Variants in KLC2 observed in about 807,000 individuals in gnomAD.
KLC2 encodes the protein KLC 2.
In KLC2, 35 loss-of-function variants were observed where a neutral mutation model predicts 75.1. The observed-to-expected ratio is 0.47, with a 90% CI of 0.36 to 0.62. The LOEUF is 0.62. Among genes scored for constraint, KLC2 ranks in the 20% least tolerant of loss-of-function variants. The pLI is 0.00. For synonymous variants in KLC2, 314 were observed against 336.7 expected, an observed-to-expected ratio of 0.93 and a Z score of 0.74; for missense variants, 611 against 833.2, an observed-to-expected ratio of 0.73 and a Z score of 3.28.
chr11:66,258,664 G>C lies in KLC2; in HGVS notation c.70G>C (p.Val24Leu). 6.2e-7 allele frequency: 1 copy of C among 1,614,066 alleles called. No individual in the cohort carries two copies. ...TGAGATCGTGCTGGGCACCAAGGCT[G>C]TCATCCAGGGACTGGAGACTCTGCG... ...QDEIVLGTKA[V>L]IQGLETLRGE... The change falls in exon 2 of 16, where the codon GTC (valine) becomes CTC (leucine). Residue 24 changes from valine to leucine, a missense_variant. By Grantham distance (32) the Val-to-Leu change is conservative. Coordinates refer to ENST00000394067, the MANE Select transcript of KLC2 (RefSeq NM_001318734.2).
chr11:66,250,521 C>T, the KLC2 span, among the ~76,000 whole-genome samples: 2 of 152,112 alleles, frequency 1.3e-5, no homozygotes, highest in Non-Finnish European at 2.9e-5. Context: ...AGTTCGTGTC[C>T]TAGGTACAGC....
upstream of KLC2, among the ~76,000 whole-genome samples, chr11:66,256,426 T>C (rs1856040257): frequency 6.6e-6 from 1 of 152,062 alleles, no homozygotes; most frequent in Non-Finnish European, 1.5e-5. Flanking sequence ...CCGTATCTAC[T>C]AAAAATACAA....
At chr11:66,264,972 C>A (rs1856711160) in intron 9 of KLC2, 51 bp from the exon 10 acceptor site, 1 of 1,588,172 alleles carries the variant, frequency 6.3e-7, no homozygotes, top group African/African-American at 1.3e-5. Flanking sequence ...TCCAGCCCAA[C>A]CAGGTGAGAC....
intron 11 of KLC2, 166 bp downstream of exon 11, chr11:66,265,401 TCTGG>T: frequency 1.4e-6 from 1 of 713,816 alleles, no homozygotes; most frequent in South Asian, 1.9e-5. Flanking sequence ...AGCCTAATTC[TCTGG>T]CTCTGGGTCT....
Position 66,266,505 on chromosome 11 carries a change from G to C in KLC2, c.1785+15G>C. 1 of 1,613,702 alleles carries C rather than the reference G, an allele frequency of 6.2e-7. No individual in the cohort carries two copies. The highest frequency in any genetic ancestry group is 8.5e-7 in the Non-Finnish European group (1 of 1,179,680). On this transcript the variant is annotated intron_variant, in intron 15 of 15. Coordinates refer to ENST00000394067, the MANE Select transcript of KLC2 (RefSeq NM_001318734.2). ...AGCCGACCCAGGTAGGGGCAGGCGGGTGTCTGGGCACTGGGCAGCTGCGGC... is the reference window on the plus strand; with the variant it reads ...AGCCGACCCAGGTAGGGGCAGGCGGCTGTCTGGGCACTGGGCAGCTGCGGC...
intron 15 of KLC2, 118 bp downstream of exon 15, chr11:66,266,608 C>A (rs892283912): frequency 8.6e-7 from 1 of 1,168,852 alleles, no homozygotes; most frequent in Non-Finnish European, 1.3e-6. Context: ...CTGTCTCAGG[C>A]CTACTTTGGG....
chr11:66,264,021 C>T lies in KLC2; in HGVS notation c.943-25C>T, dbSNP rs368537117. On this transcript the variant is annotated intron_variant, in intron 7 of 15. Coordinates refer to ENST00000394067, the MANE Select transcript of KLC2 (RefSeq NM_001318734.2). The stretch of plus-strand genomic sequence containing the variant: ...GGGGCCCGGGCAGCCCTGAGCCCAA[C>T]CCCTGGCTCCCTCTCCCATCCCAGG... 5.6e-6 allele frequency: 9 copies of T among 1,609,806 alleles called. 1 individual carries two copies. In the South Asian group the frequency reaches 9.9e-5, roughly 18 times the overall value.
chr11:66,244,297 T>G, the KLC2 span: 2 of 152,608 alleles, frequency 1.3e-5, no homozygotes, highest in Non-Finnish European at 2.9e-5. Context: ...TGCTCTGTTC[T>G]TCCCCCTCCT....
chr11:66,261,897 C>G lies in KLC2; in HGVS notation c.384C>G (p.Ala128=). Residue 128 remains alanine, a synonymous_variant, in exon 3 of 16, where the codon GCC becomes GCG. Coordinates refer to ENST00000394067, the MANE Select transcript of KLC2 (RefSeq NM_001318734.2). ...TGCAGCGCAGTGAGCAGGCCGTGGC[C>G]CAGCTCGAGGAGGAGAAGCAGCACT... ...QKLQRSEQAV[A]QLEEEKQHLL... The G allele has an allele frequency of 6.2e-7, 1 of 1,614,152 alleles. No individual in the cohort carries two copies. The highest frequency in any genetic ancestry group is 1.3e-5 in the African/African-American group (1 of 75,024).
chr11:66,262,402 C>T, intron 4 of KLC2: 1 of 587,540 alleles, frequency 1.7e-6, no homozygotes, highest in Non-Finnish European at 3.1e-6. Flanking sequence ...GTGGAGTCAC[C>T]AGCCTGGCTT....
At chr11:66,253,405 G>C (rs2134775773), upstream of KLC2, among the ~76,000 whole-genome samples, 1 of 152,334 alleles carries the variant, frequency 6.6e-6, no homozygotes, top group East Asian at 1.9e-4. Context: ...GGCTTCTGAG[G>C]ATCTAAAGGG....
At chr11:66,247,352 A>T in the KLC2 span, among the ~76,000 whole-genome samples, 3 of 152,326 alleles carry the variant, frequency 2.0e-5, no homozygotes, top group African/African-American at 7.2e-5. Context: ...AACTGTGCAG[A>T]GTGTCCCACC....
chr11:66,261,770 G>T lies in KLC2; in HGVS notation c.257G>T (p.Gly86Val). 6.2e-7 allele frequency: 1 copy of T among 1,612,288 alleles called. No individual in the cohort carries two copies. The highest frequency in any genetic ancestry group is 1.1e-5 in the South Asian group (1 of 90,996). Residue 86 changes from glycine (G) to valine (V), a missense_variant, in exon 3 of 16, where the codon GGG (glycine) becomes GTG (valine). Transcript: ENST00000394067. ...ATCTTGGCATTGTCGAGCCACCTGG[G>T]GGCTGTAGAATCAGAGAAGCAGAAG... ...QVILALSSHLGAVESEKQKLR... is the reference protein window; with the variant it reads ...QVILALSSHLVAVESEKQKLR...
In KLC2 at chr11:66,267,813, C is replaced by T. The variant is rs1590880656; in HGVS notation, c.*857C>T. The T allele has an allele frequency of 9.9e-6, 3 of 302,282 alleles. No homozygotes were observed. 18.7% of individuals were successfully genotyped at this position (302,282 alleles called of 1,614,324 possible). On this transcript the variant is annotated 3_prime_UTR_variant, in exon 16 of 16. Coordinates refer to ENST00000394067, the MANE Select transcript of KLC2 (RefSeq NM_001318734.2). ...CCCTGTTGCGGGTGAGGCGGCTGCT[C>T]TCATATTTTCAGATGTTGCTGTAGA...
At chr11:66,263,178 AAGAG>A (rs756494757) in intron 5 of KLC2, 142 bp downstream of exon 5, 1 of 638,904 alleles carries the variant, frequency 1.6e-6, no homozygotes, top group Non-Finnish European at 2.7e-6. Flanking sequence ...TGTCTAGTGT[AAGAG>A]AGAGGCTTGG....
intron 10 of KLC2, 36 bp from the exon 11 acceptor site, chr11:66,265,132 C>T (rs1565174742): frequency 6.2e-7 from 1 of 1,610,690 alleles, no homozygotes; most frequent in Admixed American, 1.7e-5. Flanking sequence ...CAGAGGGGGG[C>T]CTGCTCTCAC....
Position 66,265,280 on chromosome 11 carries a change from G to A in KLC2, c.1334+45G>A, listed in dbSNP as rs371419234. 2.2e-5 allele frequency: 34 copies of A among 1,541,606 alleles called. No homozygotes were observed. In the Middle Eastern group the frequency reaches 5.7e-4, roughly 26 times the overall value. ...GCTGGGGAGCAGGGCACGGCAGGGC[G>A]GGCTCCACATTCCATACTCTCACCC... On this transcript the variant is annotated intron_variant, in intron 11 of 15. Coordinates refer to ENST00000394067, the MANE Select transcript of KLC2 (RefSeq NM_001318734.2).
chr11:66,263,537 C>T, intron 5 of KLC2, 123 bp from the exon 6 acceptor site: 1 of 676,928 alleles, frequency 1.5e-6, no homozygotes, highest in Non-Finnish European at 2.6e-6. Context: ...GGTCTCCCCA[C>T]ACTCTGGGTC....
rs1402273443 is a variant in KLC2 at position 66,263,922 on chromosome 11, G to A, written c.912G>A (p.Leu304=). ...GCAAGTACAAGGAGGCTGAGCCATT[G>A]TGCAAGCGGGCACTGGAGATCCGGG... ...KRGKYKEAEP[L]CKRALEIREK... is the part of the protein sequence containing the mutation. Residue 304 remains leucine (L), a synonymous_variant, in exon 7 of 16, where the codon TTG becomes TTA. Coordinates refer to ENST00000394067, the MANE Select transcript of KLC2 (RefSeq NM_001318734.2). 14 of 1,614,112 alleles carry A rather than the reference G, an allele frequency of 8.7e-6. No individual in the cohort carries two copies. The highest frequency in any genetic ancestry group is 1.2e-5 in the Non-Finnish European group (14 of 1,180,032).
Sources: gnomAD v4.1 joint callset for allele counts (sites outside exome capture counted in the v4.1 genomes callset) on GRCh38, gnomAD v4.1.1 for gene constraint, MANE v1.5 for transcripts, NCBI Gene and HGNC (gene_info 2026-07-23, HGNC 2026-07-21) for gene names.